SUZ12: variants seen among roughly 807,000 people sequenced by gnomAD.
SUZ12 encodes SUZ12 polycomb repressive complex 2 subunit, also known as polycomb protein SUZ12.
SUZ12 carries 17 observed loss-of-function variants against 87.3 expected under a neutral mutation model. The observed-to-expected ratio is 0.19, with a 90% confidence interval of 0.13 to 0.29. The LOEUF is 0.29. SUZ12 is among the 10% of genes least tolerant of loss of function. SUZ12 has a pLI of 1.00. For synonymous variants in SUZ12, 253 were observed against 312.4 expected (o/e 0.81, Z 2.01); for missense variants, 526 against 912.2 (o/e 0.58, Z 5.45).
chr17:31,982,478 G>C (rs1296508481), intron 8 of SUZ12, among the ~76,000 whole-genome samples: 5 of 152,178 alleles, frequency 3.3e-5, no homozygotes, highest in Non-Finnish European at 7.3e-5. Context: ...TGGCCAAGAT[G>C]CTGAAACCCA....
chr17:31,970,995 T>C (rs983443488), intron 5 of SUZ12, among the ~76,000 whole-genome samples: 32 of 152,216 alleles, frequency 2.1e-4, no homozygotes, highest in Non-Finnish European at 1.5e-5. Context: ...GGAGGACTAC[T>C]CTAGAACCTT....
intron 3 of SUZ12, among the ~76,000 whole-genome samples, chr17:31,942,659 G>T (rs918913611): frequency 6.6e-6 from 1 of 152,026 alleles, no homozygotes; most frequent in Non-Finnish European, 1.5e-5. Context: ...TTATTGAAGG[G>T]GAAACACTTT....
intron 8 of SUZ12, among the ~76,000 whole-genome samples, chr17:31,979,123 AAAG>A (rs1373254361): frequency 1.6e-4 from 24 of 145,808 alleles, no homozygotes; most frequent in Admixed American, 4.9e-4. Context: ...AAAAAAAAAA[AAAG>A]AATTCAAAAC....
chr17:31,952,487 G>T (rs1195040431), intron 4 of SUZ12, among the ~76,000 whole-genome samples: 8 of 152,124 alleles, frequency 5.3e-5, no homozygotes, highest in Non-Finnish European at 7.3e-5. Context: ...TAAATCTCTT[G>T]CCTTTGTGTA....
intron 13 of SUZ12, 125 bp from the exon 14 acceptor site, chr17:31,995,439 A>G (rs899969763): frequency 4.8e-5 from 34 of 706,846 alleles, no homozygotes; most frequent in Admixed American, 3.6e-4. Flanking sequence ...CTCTAATACT[A>G]TTGTTTTATG....
At chr17:31,976,485 A>G (rs755465950) in intron 7 of SUZ12, 36 bp from the exon 8 acceptor site, 2 of 1,534,918 alleles carry the variant, frequency 1.3e-6, no homozygotes, top group African/African-American at 1.4e-5. Context: ...TTTTTGTTCT[A>G]ATATTTGATT....
At chr17:31,953,711 A>ATT (rs756892113) in intron 4 of SUZ12, among the ~76,000 whole-genome samples, 32 of 131,734 alleles carry the variant, frequency 2.4e-4, no homozygotes, top group African/African-American at 3.1e-4. Context: ...CCCAGCCTCA[A>ATT]TTTTTTTTTT....
intron 14 of SUZ12, 126 bp downstream of exon 14, chr17:31,995,888 T>C: frequency 5.3e-6 from 4 of 757,688 alleles, no homozygotes. Flanking sequence ...AATCCGGAAA[T>C]GTACAGGTTT....
intron 10 of SUZ12, among the ~76,000 whole-genome samples, chr17:31,989,872 G>A (rs1333608828): frequency 6.6e-6 from 1 of 151,464 alleles, no homozygotes; most frequent in African/African-American, 2.4e-5. Flanking sequence ...GCCTCCCAAA[G>A]TGCTGGGATT....
chr17:31,988,639 C>G, intron 10 of SUZ12, 142 bp downstream of exon 10: 2 of 851,640 alleles, frequency 2.3e-6, no homozygotes, highest in Non-Finnish European at 3.4e-6. Flanking sequence ...GTTGCCCAGG[C>G]AGGAGTGCAG....
At chr17:31,996,327 A>T (rs895521504) in intron 14 of SUZ12, among the ~76,000 whole-genome samples, 3 of 152,216 alleles carry the variant, frequency 2.0e-5, no homozygotes, top group Non-Finnish European at 2.9e-5. Context: ...TTCCCTTTTT[A>T]AATGACGGCA....
chr17:31,991,238 G>A (rs748368474), intron 10 of SUZ12, among the ~76,000 whole-genome samples: 6 of 151,994 alleles, frequency 3.9e-5, no homozygotes, highest in Admixed American at 2.6e-4. Context: ...GGGGCCGGGC[G>A]CAGTGGCTGA....
Position 31,994,551 on chromosome 17 carries a change from AT to A in SUZ12, c.1438-8del. ...ATACTTAATATATTTTTTTTTTTAC[AT>A]TTTTGTTGCAGTATCATCCAAAAGG... On this transcript the variant is annotated splice_polypyrimidine_tract_variant and intron_variant, in intron 12 of 15. Coordinates refer to ENST00000322652, the MANE Select transcript of SUZ12 (RefSeq NM_015355.4). The A allele has an allele frequency of 6.4e-7, 1 of 1,562,564 alleles. No individual in the cohort carries two copies.
intron 9 of SUZ12, among the ~76,000 whole-genome samples, chr17:31,986,789 A>G (rs1333367479): frequency 6.6e-6 from 1 of 152,044 alleles, no homozygotes; most frequent in East Asian, 1.9e-4. Context: ...TGACCTCACG[A>G]TCTGCCCTCC....
At chr17:31,951,141 G>A (rs1392241171) in intron 4 of SUZ12, among the ~76,000 whole-genome samples, 2 of 152,120 alleles carry the variant, frequency 1.3e-5, no homozygotes, top group Admixed American at 1.3e-4. Flanking sequence ...TAGTCTGGGA[G>A]TCTTCCACTA....
intron 4 of SUZ12, among the ~76,000 whole-genome samples, chr17:31,957,642 T>C (rs8070103): frequency 0.92 from 139,212 of 151,948 alleles, 63,989 homozygotes; most frequent in East Asian, 1. Context: ...AATTCCTGAC[T>C]TCAGGTGATC....
chr17:31,962,474 C>T (rs1419424408), intron 4 of SUZ12, among the ~76,000 whole-genome samples: 2 of 152,022 alleles, frequency 1.3e-5, no homozygotes, highest in Non-Finnish European at 2.9e-5. Context: ...CCTATAGTCT[C>T]AGCTACTCTT....
chr17:31,961,286 C>T (rs1907696239), intron 4 of SUZ12, among the ~76,000 whole-genome samples: 1 of 152,190 alleles, frequency 6.6e-6, no homozygotes, highest in East Asian at 1.9e-4. Flanking sequence ...ATAGTACTCA[C>T]ACCTGTAATC....
At chr17:31,942,081 T>A (rs555868716) in intron 3 of SUZ12, among the ~76,000 whole-genome samples, 1 of 152,258 alleles carries the variant, frequency 6.6e-6, no homozygotes, top group East Asian at 1.9e-4. Context: ...CTCAAACTCC[T>A]GACTTCAAGA....
Sources: gnomAD v4.1 joint callset for allele counts (sites outside exome capture counted in the v4.1 genomes callset) on GRCh38, gnomAD v4.1.1 for gene constraint, MANE v1.5 for transcripts, NCBI Gene and HGNC (gene_info 2026-07-23, HGNC 2026-07-21) for gene names.